SGCG: variants seen among roughly 807,000 people sequenced by gnomAD.
SGCG encodes gamma-sarcoglycan.
Under a neutral mutation model 29.3 loss-of-function variants are expected in SGCG, and 26 were observed. The ratio of observed to expected loss-of-function variants is 0.89; its 90% CI spans 0.65 to 1.23. The LOEUF is 1.23. SGCG is among the 50% of genes most tolerant of loss of function. The probability of loss-of-function intolerance (pLI) is 0.00; values close to 1 mark genes in which losing one functional copy is unlikely to be tolerated. For synonymous variants in SGCG, 145 were observed against 129.7 expected (o/e 1.12, Z -0.80); for missense variants, 353 against 356.0 (o/e 0.99, Z 0.07).
intron 5 of SGCG, among the ~76,000 whole-genome samples, chr13:23,292,206 T>C (rs1881740196): frequency 6.6e-6 from 1 of 151,298 alleles, no homozygotes; most frequent in Non-Finnish European, 1.5e-5. Flanking sequence ...GCCTCCCAGG[T>C]TCAAATGATT....
chr13:23,299,407 CATATATATATATATATATATAT>C lies in SGCG; in HGVS notation c.578+3949_578+3970del, dbSNP rs1191940207. On this transcript the variant is annotated intron_variant, in intron 6 of 7. Transcript: ENST00000218867. ...AAAGATTCTGGAATATCTTAGTTGG[CATATATATATATATATATATAT>C]ATATATATATATATATATATATATA... is the stretch of plus-strand genomic sequence containing the variant. 6.7e-3 allele frequency among the ~76,000 whole-genome samples: 160 copies of C among 23,934 alleles called. 8 individuals are homozygous for C. Among genetic ancestry groups the C allele is most frequent in the African/African-American group, 0.026 (151 of 5,784 alleles). 15.7% of individuals were successfully genotyped at this position (23,934 alleles called of 152,430 possible).
intron 2 of SGCG, among the ~76,000 whole-genome samples, chr13:23,215,041 GC>G (rs2137518107): frequency 6.6e-6 from 1 of 152,222 alleles, no homozygotes; most frequent in African/African-American, 2.4e-5. Context: ...CCAGGGATAT[GC>G]CTTCAATTTT....
At position 23,201,437 on chromosome 13, in the gene SGCG, G is replaced by A. The variant is rs375925868; in HGVS notation, c.1-2258G>A. On this transcript the variant is annotated intron_variant, in intron 1 of 7. Transcript: ENST00000218867. The stretch of plus-strand genomic sequence containing the variant: ...AGGGAAAGACCATCCTGGGTAATCC[G>A]GGCAAGCCCAGTGTTATCACGGGGG... Among the ~76,000 whole-genome samples, 510 of 152,122 alleles carry A rather than the reference G, an allele frequency of 3.4e-3. 2 individuals are homozygous for A. The highest frequency in any genetic ancestry group is 0.012 in the African/African-American group (479 of 41,484).
chr13:23,314,676 T>C (rs1003651605), intron 6 of SGCG, among the ~76,000 whole-genome samples: 3 of 151,934 alleles, frequency 2.0e-5, no homozygotes, highest in African/African-American at 7.3e-5. Context: ...ACTGGACTTA[T>C]TGGTGAGATA....
intron 4 of SGCG, among the ~76,000 whole-genome samples, chr13:23,259,614 T>C (rs1880347330): frequency 6.6e-6 from 1 of 152,224 alleles, no homozygotes. Flanking sequence ...CTTGCTTCTC[T>C]AGTTCTTTTA....
intron 1 of SGCG, among the ~76,000 whole-genome samples, chr13:23,183,383 C>T (rs1477944828): frequency 6.6e-6 from 1 of 152,100 alleles, no homozygotes; most frequent in African/African-American, 2.4e-5. Flanking sequence ...CCTAAGAAGG[C>T]GTACCAGAAA....
At position 23,236,410 on chromosome 13, in the gene SGCG, G is replaced by A. The variant is rs113803166; in HGVS notation, c.297+1698G>A. Among the ~76,000 whole-genome samples, 1,484 of 152,276 alleles carry A rather than the reference G, an allele frequency of 9.7e-3. 22 individuals are homozygous for A. The highest frequency in any genetic ancestry group is 0.033 in the African/African-American group (1,382 of 41,540). On this transcript the variant is annotated intron_variant, in intron 3 of 7. Coordinates refer to ENST00000218867, the MANE Select transcript of SGCG (RefSeq NM_000231.3). The stretch of plus-strand genomic sequence containing the variant: ...AACTCTCAGTTGGCCAGGCGTGGTG[G>A]CTCACGCCTGTAATCCCAGCACTTT...
intron 2 of SGCG, among the ~76,000 whole-genome samples, chr13:23,220,069 C>A (rs1878598853): frequency 1.3e-5 from 2 of 152,034 alleles, no homozygotes; most frequent in African/African-American, 4.8e-5. Context: ...TCCGGATCTC[C>A]TGACCTCGTG....
At chr13:23,283,120 ATGTC>A (rs1186594832) in intron 5 of SGCG, among the ~76,000 whole-genome samples, 2 of 152,198 alleles carry the variant, frequency 1.3e-5, no homozygotes, top group Non-Finnish European at 2.9e-5. Flanking sequence ...ACTTCTGTAG[ATGTC>A]TATTAGGTCT....
the SGCG span, among the ~76,000 whole-genome samples, chr13:23,173,094 T>C: frequency 6.6e-6 from 1 of 152,182 alleles, no homozygotes; most frequent in African/African-American, 2.4e-5. Flanking sequence ...ATTTTATAAA[T>C]GGAGCTGTTA....
At chr13:23,271,566 C>G (rs993046326) in intron 4 of SGCG, among the ~76,000 whole-genome samples, 2 of 152,200 alleles carry the variant, frequency 1.3e-5, no homozygotes, top group East Asian at 3.8e-4. Flanking sequence ...TGCCTAGATA[C>G]CACATTCTTT....
intron 4 of SGCG, among the ~76,000 whole-genome samples, chr13:23,263,875 A>C (rs546531138): frequency 2.6e-5 from 4 of 152,268 alleles, no homozygotes; most frequent in African/African-American, 4.8e-5. Flanking sequence ...AAAATCTAGC[A>C]TTCTTTTCTG....
At chr13:23,289,959 C>T (rs529592762) in intron 5 of SGCG, among the ~76,000 whole-genome samples, 4 of 152,242 alleles carry the variant, frequency 2.6e-5, no homozygotes, top group Admixed American at 2.0e-4. Context: ...TTGTAGTACA[C>T]GTAATCAGCG....
upstream of SGCG, among the ~76,000 whole-genome samples, chr13:23,178,628 T>C (rs570298631): frequency 6.6e-6 from 1 of 152,330 alleles, no homozygotes; most frequent in African/African-American, 2.4e-5. Flanking sequence ...ACTAGTCAAT[T>C]GACAACCCAA....
intron 2 of SGCG, among the ~76,000 whole-genome samples, chr13:23,220,402 A>T (rs73443259): frequency 1.3e-5 from 2 of 152,252 alleles, no homozygotes; most frequent in East Asian, 3.9e-4. Flanking sequence ...ATGAGCCGAA[A>T]TCGCACCATT....
chr13:23,247,589 A>ATT (rs1242204748), intron 3 of SGCG, among the ~76,000 whole-genome samples: 1 of 152,094 alleles, frequency 6.6e-6, no homozygotes, highest in Non-Finnish European at 1.5e-5. Flanking sequence ...AAAATGTAGA[A>ATT]TTTTAAAAGT....
chr13:23,308,239 T>C (rs989619054), intron 6 of SGCG, among the ~76,000 whole-genome samples: 1 of 152,210 alleles, frequency 6.6e-6, no homozygotes, highest in Non-Finnish European at 1.5e-5. Context: ...AAAAACATTT[T>C]TGTTTTTGTA....
At chr13:23,239,259 G>T (rs746258866) in intron 3 of SGCG, among the ~76,000 whole-genome samples, 17 of 151,890 alleles carry the variant, frequency 1.1e-4, no homozygotes, top group South Asian at 1.0e-3. Flanking sequence ...ACAAAGGAGT[G>T]AAAAAAATAT....
At chr13:23,306,645 T>G (rs1453714826) in intron 6 of SGCG, among the ~76,000 whole-genome samples, 1 of 152,234 alleles carries the variant, frequency 6.6e-6, no homozygotes, top group Admixed American at 6.5e-5. Context: ...ATATTTTATT[T>G]GTCACAAGTT....
Sources: gnomAD v4.1 joint callset for allele counts (sites outside exome capture counted in the v4.1 genomes callset) on GRCh38, gnomAD v4.1.1 for gene constraint, MANE v1.5 for transcripts, NCBI Gene and HGNC (gene_info 2026-07-23, HGNC 2026-07-21) for gene names.